DUSP2: variants seen among roughly 807,000 people sequenced by gnomAD.
DUSP2 encodes dual specificity protein phosphatase 2.
Under a neutral mutation model 23.3 loss-of-function variants are expected in DUSP2, and 20 were observed. That is an observed-to-expected ratio of 0.86 (90% CI 0.60 to 1.25). The LOEUF (loss-of-function observed/expected upper bound fraction) is 1.25. Among genes scored for constraint, DUSP2 ranks in the 50% most tolerant of loss-of-function variants. The probability of loss-of-function intolerance (pLI) is 0.00; values close to 1 mark genes in which losing one functional copy is unlikely to be tolerated. For missense variants in DUSP2, 435 were observed against 452.6 expected, an observed-to-expected ratio of 0.96 and a Z score of 0.35; for synonymous variants, 231 against 209.7, an observed-to-expected ratio of 1.10 and a Z score of -0.88.
intron 2 of DUSP2, 149 bp downstream of exon 2, chr2:96,144,611 GC>G: frequency 1.2e-6 from 1 of 819,156 alleles, no homozygotes; most frequent in Non-Finnish European, 1.9e-6. Flanking sequence ...GAGCAGCCAT[GC>G]CCCACCCCCT....
rs1253398709 is a variant in DUSP2 at position 96,143,435 on chromosome 2, C to T, written c.*388G>A. 9.8e-6 allele frequency: 2 copies of T among 204,460 alleles called. No homozygotes were observed. Among genetic ancestry groups the T allele is most frequent in the Admixed American group, 5.4e-5 (1 of 18,630 alleles). 12.7% of individuals were successfully genotyped at this position (204,460 alleles called of 1,614,324 possible). A position where few individuals can be genotyped will look rare whatever the true frequency, so the allele number is the denominator to read the frequency against. ...GCTTGGGCTCCAGGCCCTGGGCAGACGAACCCACAGACAGGGCTCCTGGTT... is the reference window on the plus strand; with the variant it reads ...GCTTGGGCTCCAGGCCCTGGGCAGATGAACCCACAGACAGGGCTCCTGGTT... On this transcript the variant is annotated 3_prime_UTR_variant, in exon 4 of 4. Coordinates refer to ENST00000288943, the MANE Select transcript of DUSP2 (RefSeq NM_004418.4).
chr2:96,145,219 C>T lies in DUSP2; in HGVS notation c.136G>A (p.Ala46Thr). ...LAFCRRHVRA[A>T]RPVPWNALLR... Reference sequence around the variant, plus strand: ...AGCGCGTTCCAAGGCACTGGCCGCGCGGCGCGCACGTGGCGCCGGCAGAAG... The same window carrying T: ...AGCGCGTTCCAAGGCACTGGCCGCGTGGCGCGCACGTGGCGCCGGCAGAAG... The change falls in exon 1 of 4, where the codon GCG (alanine) becomes ACG (threonine). Residue 46 changes from alanine (A) to threonine (T), a missense_variant. Physicochemically the swap from Ala to Thr is moderately conservative, Grantham distance 58 (BLOSUM62 0). Coordinates refer to ENST00000288943, the MANE Select transcript of DUSP2 (RefSeq NM_004418.4). 2 of 1,272,818 alleles carry T rather than the reference C, an allele frequency of 1.6e-6. No homozygotes were observed. Among genetic ancestry groups the T allele is most frequent in the Non-Finnish European group, 2.0e-6 (2 of 1,016,618 alleles). 78.8% of individuals were successfully genotyped at this position (1,272,818 alleles called of 1,614,324 possible).
At position 96,144,224 on chromosome 2, in the gene DUSP2, C is replaced by T; in HGVS notation, c.660G>A (p.Lys220=). 1 of 1,614,138 alleles carries T rather than the reference C, an allele frequency of 6.2e-7. No homozygotes were observed. The highest frequency in any genetic ancestry group is 8.5e-7 in the Non-Finnish European group (1 of 1,180,032). Reference sequence around the variant, plus strand: ...TCTGGTTGTCCTCCACAGGGATACTCTTGTAGCGGAAAAGGCCCTCAAAGT... The same window carrying T: ...TCTGGTTGTCCTCCACAGGGATACTTTTGTAGCGGAAAAGGCCCTCAAAGT... The part of the protein sequence containing the change: ...PNHFEGLFRY[K]SIPVEDNQMV... Residue 220 remains lysine, a synonymous_variant, in exon 3 of 4, where the codon AAG becomes AAA. Transcript: ENST00000288943.
chr2:96,144,643 A>T (rs2104788461), intron 2 of DUSP2, 118 bp downstream of exon 2: 1 of 978,942 alleles, frequency 1.0e-6, no homozygotes, highest in Non-Finnish European at 1.5e-6. Flanking sequence ...ACACACGTAT[A>T]AAAGTGTGTG....
intron 3 of DUSP2, 56 bp from the exon 4 acceptor site, chr2:96,144,093 G>A (rs888503932): frequency 8.1e-6 from 13 of 1,612,042 alleles, no homozygotes; most frequent in South Asian, 1.1e-5. Context: ...CCAGGAGACA[G>A]GTGCCCCCAG....
chr2:96,145,398 C>T lies in DUSP2; in HGVS notation c.-44G>A, dbSNP rs1456550912. 7.5e-7 allele frequency: 1 copy of T among 1,337,336 alleles called. No homozygotes were observed. The highest frequency in any genetic ancestry group is 9.6e-7 in the Non-Finnish European group (1 of 1,043,746). The allele number at this position is 1,337,336 out of a possible 1,614,324, so 82.8% of individuals were successfully genotyped here. ...CTCTTCCTTTCGGTCTTTCCCGCGT[C>T]CCGGGCTCTCGTGGCGGTGGCGCTG... On this transcript the variant is annotated 5_prime_UTR_variant, in exon 1 of 4. Coordinates refer to ENST00000288943, the MANE Select transcript of DUSP2 (RefSeq NM_004418.4).
Position 96,145,307 on chromosome 2 carries a change from C to T in DUSP2, c.48G>A (p.Thr16=). Reference sequence around the variant, plus strand: ...CCGCCTCCCGCGGATCCCGCAGCAGCGTGCCCAGCGCCGCGCACTCCAGCT... The same window carrying T: ...CCGCCTCCCGCGGATCCCGCAGCAGTGTGCCCAGCGCCGCGCACTCCAGCT... ...ARELECAALG[T]LLRDPREAER... is the part of the protein sequence containing the mutation. The change falls in exon 1 of 4, where the codon ACG becomes ACA. Residue 16 remains threonine, a synonymous_variant. Coordinates refer to ENST00000288943, the MANE Select transcript of DUSP2 (RefSeq NM_004418.4). 1 of 1,412,222 alleles carries T rather than the reference C, an allele frequency of 7.1e-7. No homozygotes were observed. The highest frequency in any genetic ancestry group is 2.7e-5 in the Admixed American group (1 of 37,100). The allele number at this position is 1,412,222 out of a possible 1,614,324, so 87.5% of individuals were successfully genotyped here. A position where few individuals can be genotyped will look rare whatever the true frequency, so the allele number is the denominator to read the frequency against.
rs1364230275 is a variant in DUSP2, at chr2:96,144,955, C to A, written c.388+12G>T. ...TCGGGTGGGGCGGGCCAAGGGCGGC[C>A]GGCTTGCTCACCTCGCAGGAAGTAC... On this transcript the variant is annotated intron_variant, in intron 1 of 3. Transcript: ENST00000288943. The A allele has an allele frequency of 6.5e-7, 1 of 1,546,488 alleles. No homozygotes were observed.
chr2:96,144,414 C>T lies in DUSP2; in HGVS notation c.511-41G>A, dbSNP rs780185750. The T allele has an allele frequency of 4.4e-6, 7 of 1,590,936 alleles. No individual in the cohort carries two copies. In the South Asian group the frequency reaches 7.8e-5, roughly 18 times the overall value. Reference sequence around the variant, plus strand: ...GGGCGGTGAGGCCTTTCCAGCCCAGCCCCGGAGAGCTGGAGCAGCAGCGGG... The same window carrying T: ...GGGCGGTGAGGCCTTTCCAGCCCAGTCCCGGAGAGCTGGAGCAGCAGCGGG... On this transcript the variant is annotated intron_variant, in intron 2 of 3. Coordinates refer to ENST00000288943, the MANE Select transcript of DUSP2 (RefSeq NM_004418.4).
At chr2:96,144,908 A>G (rs1682479796) in intron 1 of DUSP2, 26 bp from the exon 2 acceptor site, 1 of 1,548,294 alleles carries the variant, frequency 6.5e-7, no homozygotes, top group Non-Finnish European at 8.7e-7. Flanking sequence ...GAGCACGATC[A>G]GCAGGGAAAG....
chr2:96,145,002 G>A lies in DUSP2; in HGVS notation c.353C>T (p.Thr118Ile). The change falls in exon 1 of 4, where the codon ACC (threonine) becomes ATC (isoleucine). Residue 118 changes from threonine to isoleucine, a missense_variant. Transcript: ENST00000288943. ...HVLLAALLHE[T>I]RAGPTAVYFL... is the part of the protein sequence containing the mutation. ...GTACACGGCAGTGGGCCCCGCGCGG[G>A]TCTCGTGCAGCAGCGCGGCCAGCAG... The A allele has an allele frequency of 1.3e-6, 2 of 1,542,330 alleles. No individual in the cohort carries two copies. The highest frequency in any genetic ancestry group is 1.7e-6 in the Non-Finnish European group (2 of 1,149,854).
At position 96,143,666 on chromosome 2, in the gene DUSP2, C is replaced by G. The variant is rs780776323; in HGVS notation, c.*157G>C. ...CACCAGGTCGGAAAGACCAGCATGC[C>G]GGCATTCCTAGAGCCCCCATGTGGG... On this transcript the variant is annotated 3_prime_UTR_variant, in exon 4 of 4. Coordinates refer to ENST00000288943, the MANE Select transcript of DUSP2 (RefSeq NM_004418.4). 932 of 859,224 alleles carry G rather than the reference C, an allele frequency of 1.1e-3. 4 individuals carry two copies. The highest frequency in any genetic ancestry group is 1.5e-3 in the Non-Finnish European group (846 of 562,934). The allele number at this position is 859,224 out of a possible 1,614,324, so 53.2% of individuals were successfully genotyped here.
chr2:96,145,154 G>A lies in DUSP2; in HGVS notation c.201C>T (p.Leu67=), dbSNP rs934743137. The part of the protein sequence containing the change: ...RRARGPPAAV[L]ACLLPDRALR... ...GCGCGCGGTCGGGCAGCAGGCAGGC[G>A]AGAACGGCGGCAGGAGGGCCGCGCG... Residue 67 remains leucine (L), a synonymous_variant, in exon 1 of 4, where the codon CTC becomes CTT. Transcript: ENST00000288943. 3.0e-6 allele frequency: 4 copies of A among 1,320,080 alleles called. No homozygotes were observed. Among genetic ancestry groups the A allele is most frequent in the Non-Finnish European group, 2.9e-6 (3 of 1,041,252 alleles). 81.8% of individuals were successfully genotyped at this position (1,320,080 alleles called of 1,614,324 possible). A position where few individuals can be genotyped will look rare whatever the true frequency, so the allele number is the denominator to read the frequency against.
rs937993341 is a variant in DUSP2, at chr2:96,143,628, C to G, written c.*195G>C. 2 of 674,132 alleles carry G rather than the reference C, an allele frequency of 3.0e-6. No homozygotes were observed. Among genetic ancestry groups the G allele is most frequent in the Non-Finnish European group, 5.0e-6 (2 of 402,010 alleles). The allele number at this position is 674,132 out of a possible 1,614,324, so 41.8% of individuals were successfully genotyped here. ...CCCGAATGAGGGCCAGCCTCAGTCC[C>G]CCAGCAGAAGAGCACCAGGTCGGAA... On this transcript the variant is annotated 3_prime_UTR_variant, in exon 4 of 4. Transcript: ENST00000288943.
rs370789460 is a variant in DUSP2 at position 96,143,975 on chromosome 2, C to T, written c.793G>A (p.Ala265Thr). 4 of 1,613,710 alleles carry T rather than the reference C, an allele frequency of 2.5e-6. No individual in the cohort carries two copies. Among genetic ancestry groups the T allele is most frequent in the Admixed American group, 1.7e-5 (1 of 60,006 alleles). Residue 265 changes from alanine to threonine, a missense_variant, in exon 4 of 4, where the codon GCC becomes ACC. Transcript: ENST00000288943. ...VHCQAGISRS[A>T]TICLAYLMQS... ...ATGAGGTATGCCAGACAGATGGTGGCAGAGCGCGAGATACCCGCCTGGCAG... is the reference window on the plus strand; with the variant it reads ...ATGAGGTATGCCAGACAGATGGTGGTAGAGCGCGAGATACCCGCCTGGCAG...
Position 96,145,349 on chromosome 2 carries a change from C to T in DUSP2, c.6G>A (p.Gly2=). 7.1e-7 allele frequency: 1 copy of T among 1,410,376 alleles called. No homozygotes were observed. Among genetic ancestry groups the T allele is most frequent in the Non-Finnish European group, 9.2e-7 (1 of 1,084,756 alleles). The allele number at this position is 1,410,376 out of a possible 1,614,324, so 87.4% of individuals were successfully genotyped here. M[G]LEAARELECA... ...ACTCCAGCTCGCGCGCCGCCTCCAGCCCCATGGCCACCGGTGCCTCTTCCT... is the reference window on the plus strand; with the variant it reads ...ACTCCAGCTCGCGCGCCGCCTCCAGTCCCATGGCCACCGGTGCCTCTTCCT... The change falls in exon 1 of 4, where the codon GGG becomes GGA. Residue 2 remains glycine (G), a synonymous_variant. Coordinates refer to ENST00000288943, the MANE Select transcript of DUSP2 (RefSeq NM_004418.4).
chr2:96,143,658 C>T lies in DUSP2; in HGVS notation c.*165G>A, dbSNP rs995397150. ...CAGAAGAGCACCAGGTCGGAAAGAC[C>T]AGCATGCCGGCATTCCTAGAGCCCC... On this transcript the variant is annotated 3_prime_UTR_variant, in exon 4 of 4. Coordinates refer to ENST00000288943, the MANE Select transcript of DUSP2 (RefSeq NM_004418.4). 12 of 820,772 alleles carry T rather than the reference C, an allele frequency of 1.5e-5. No homozygotes were observed. The highest frequency in any genetic ancestry group is 5.8e-5 in the Admixed American group (2 of 34,192). 50.8% of individuals were successfully genotyped at this position (820,772 alleles called of 1,614,324 possible).
At position 96,145,145 on chromosome 2, in the gene DUSP2, C is replaced by T; in HGVS notation, c.210G>A (p.Leu70=). The change falls in exon 1 of 4, where the codon CTG becomes CTA. Residue 70 remains leucine, a synonymous_variant. Coordinates refer to ENST00000288943, the MANE Select transcript of DUSP2 (RefSeq NM_004418.4). ...RGPPAAVLAC[L]LPDRALRTRL... Reference sequence around the variant, plus strand: ...GCGTCCGCAGCGCGCGGTCGGGCAGCAGGCAGGCGAGAACGGCGGCAGGAG... The same window carrying T: ...GCGTCCGCAGCGCGCGGTCGGGCAGTAGGCAGGCGAGAACGGCGGCAGGAG... 1 of 1,334,080 alleles carries T rather than the reference C, an allele frequency of 7.5e-7. No individual in the cohort carries two copies. The highest frequency in any genetic ancestry group is 2.7e-4 in the Middle Eastern group (1 of 3,698). The allele number at this position is 1,334,080 out of a possible 1,614,324, so 82.6% of individuals were successfully genotyped here. A position where few individuals can be genotyped will look rare whatever the true frequency, so the allele number is the denominator to read the frequency against.
At position 96,145,203 on chromosome 2, in the gene DUSP2, C is replaced by T. The variant is rs1682490859; in HGVS notation, c.152G>A (p.Trp51Ter). 1 of 1,282,716 alleles carries T rather than the reference C, an allele frequency of 7.8e-7. No individual in the cohort carries two copies. The highest frequency in any genetic ancestry group is 9.8e-7 in the Non-Finnish European group (1 of 1,022,166). 79.5% of individuals were successfully genotyped at this position (1,282,716 alleles called of 1,614,324 possible). Residue 51 changes from tryptophan to a stop codon, truncating the protein, a stop_gained, in exon 1 of 4, where the codon TGG (tryptophan) becomes TAG (stop). Transcript: ENST00000288943. LOFTEE classifies it high-confidence loss of function. ...CGCGCGGCGCCGCAGCAGCGCGTTC[C>T]AAGGCACTGGCCGCGCGGCGCGCAC... ...RHVRAARPVP[W>*]NALLRRRARG...
Sources: allele counts gnomAD v4.1 joint callset, GRCh38; gene constraint gnomAD v4.1.1; transcripts MANE v1.5; gene names NCBI Gene and HGNC (gene_info 2026-07-23, HGNC 2026-07-21).